Variants in SPATA17 observed in about 807,000 individuals in gnomAD.
SPATA17 encodes spermatogenesis associated 17.
SPATA17 carries 53 observed loss-of-function variants against 62.2 expected under a neutral mutation model. That is an observed-to-expected ratio of 0.85 (90% confidence interval 0.68 to 1.07). SPATA17 has a LOEUF of 1.07. Among genes scored for constraint, SPATA17 ranks in the 50% least tolerant of loss-of-function variants. SPATA17 has a pLI of 0.00. For missense variants in SPATA17, 466 were observed against 425.5 expected (o/e 1.10, Z -0.84); for synonymous variants, 146 against 146.8 (o/e 0.99, Z 0.04).
intron 7 of SPATA17, among the ~76,000 whole-genome samples, chr1:217,781,781 A>G (rs112590187): frequency 6.6e-6 from 1 of 152,186 alleles, no homozygotes; most frequent in African/African-American, 2.4e-5. Flanking sequence ...TTGGAAAGCT[A>G]TGCTTAGAAT....
chr1:217,668,268 TG>T (rs1280230902), intron 3 of SPATA17, among the ~76,000 whole-genome samples: 1 of 152,200 alleles, frequency 6.6e-6, no homozygotes, highest in African/African-American at 2.4e-5. Context: ...AAAGAGCAGA[TG>T]GGGAAGCTTA....
At chr1:217,755,962 T>C (rs932772047) in intron 6 of SPATA17, among the ~76,000 whole-genome samples, 4 of 152,080 alleles carry the variant, frequency 2.6e-5, no homozygotes, top group South Asian at 2.1e-4. Context: ...TATTCCCTTT[T>C]CCCCCTTCTA....
rs189657291 is a variant in SPATA17 at position 217,797,319 on chromosome 1, G to A, written c.873-4399G>A. ...GGCTGCAGTGCAGTAGTGTGATCTC[G>A]GCTCAGTGCAGCCTCCACCTCCCGG... is the stretch of plus-strand genomic sequence containing the variant. On this transcript the variant is annotated intron_variant, in intron 8 of 10. Transcript: ENST00000366933. Among the ~76,000 whole-genome samples, 139 of 147,104 alleles carry A rather than the reference G, an allele frequency of 9.4e-4. 1 individual carries two copies. Among genetic ancestry groups the A allele is most frequent in the Non-Finnish European group, 1.8e-3 (123 of 66,784 alleles).
In SPATA17 at chr1:217,801,763, A is replaced by C; in HGVS notation, c.918A>C (p.Pro306=). The C allele has an allele frequency of 4.3e-6, 7 of 1,610,684 alleles. No homozygotes were observed. Among genetic ancestry groups the C allele is most frequent in the Non-Finnish European group, 5.9e-6 (7 of 1,178,766 alleles). ...ACCATAAAAATGAAAAGTACATCCC[A>C]TCAATGCATTTATCAAGCAAGTATG... The part of the protein sequence containing the change: ...SSYHKNEKYI[P]SMHLSSKYGP... Residue 306 remains proline (P), a synonymous_variant, in exon 9 of 11, where the codon CCA becomes CCC. Coordinates refer to ENST00000366933, the MANE Select transcript of SPATA17 (RefSeq NM_138796.4).
In SPATA17 at chr1:217,635,817, G is replaced by A. The variant is rs557033831; in HGVS notation, c.68+4371G>A. ...TTTATCATTTTATCATGCAGATGAAGCCTCCAAGTTGCAAGCCTTAAAAAG... is the reference window on the plus strand; with the variant it reads ...TTTATCATTTTATCATGCAGATGAAACCTCCAAGTTGCAAGCCTTAAAAAG... On this transcript the variant is annotated intron_variant, in intron 1 of 10. Transcript: ENST00000366933. Among the ~76,000 whole-genome samples, 10 of 152,172 alleles carry A rather than the reference G, an allele frequency of 6.6e-5. 1 individual carries two copies. In the East Asian group the frequency reaches 1.9e-3, roughly 29 times the overall value.
intron 5 of SPATA17, among the ~76,000 whole-genome samples, chr1:217,698,595 C>G (rs947321006): frequency 7.5e-6 from 1 of 133,968 alleles, no homozygotes. Flanking sequence ...AAAAAAAAAA[C>G]AAAGAAATTC....
At chr1:217,771,034 C>G (rs1385781242) in intron 6 of SPATA17, among the ~76,000 whole-genome samples, 3 of 89,386 alleles carry the variant, frequency 3.4e-5, no homozygotes, top group African/African-American at 1.3e-4. Flanking sequence ...AGAATCGTAG[C>G]CTTTAAAAAA....
At chr1:217,762,362 T>C (rs966725188) in intron 6 of SPATA17, among the ~76,000 whole-genome samples, 1 of 152,194 alleles carries the variant, frequency 6.6e-6, no homozygotes, top group African/African-American at 2.4e-5. Context: ...CAGATATTCA[T>C]ATTCCTCTTT....
intron 6 of SPATA17, among the ~76,000 whole-genome samples, chr1:217,758,167 A>G (rs142207629): frequency 7.2e-5 from 11 of 152,342 alleles, no homozygotes; most frequent in African/African-American, 2.6e-4. Context: ...TAAGTGCTTT[A>G]CATAAATTAT....
intron 1 of SPATA17, among the ~76,000 whole-genome samples, chr1:217,633,905 A>G (rs1449718514): frequency 1.3e-5 from 2 of 152,218 alleles, no homozygotes; most frequent in African/African-American, 2.4e-5. Context: ...TGGAAGTCCA[A>G]TGTGGAAACG....
intron 5 of SPATA17, among the ~76,000 whole-genome samples, chr1:217,721,002 A>T (rs763770422): frequency 9.2e-5 from 14 of 152,228 alleles, no homozygotes; most frequent in Non-Finnish European, 1.3e-4. Flanking sequence ...CACAAAATTC[A>T]TCTAAATAAA....
chr1:217,834,439 C>T (rs1375607609), intron 9 of SPATA17, among the ~76,000 whole-genome samples: 2 of 152,082 alleles, frequency 1.3e-5, no homozygotes, highest in East Asian at 3.9e-4. Flanking sequence ...CCCAAGATAC[C>T]TTCTAGTGGG....
rs145489034 is a variant in SPATA17 at position 217,839,357 on chromosome 1, C to T, written c.1006-23417C>T. On this transcript the variant is annotated intron_variant, in intron 9 of 10. Coordinates refer to ENST00000366933, the MANE Select transcript of SPATA17 (RefSeq NM_138796.4). ...AATTGAAACACCAGGCTAATTATGG[C>T]AGCTAATGAAGTGTGTGGAATGGTC... is the stretch of plus-strand genomic sequence containing the variant. Among the ~76,000 whole-genome samples, 100 of 152,186 alleles carry T rather than the reference C, an allele frequency of 6.6e-4. 1 individual carries two copies. In the East Asian group the frequency reaches 0.017, roughly 26 times the overall value.
chr1:217,639,936 A>G (rs1366155646), intron 1 of SPATA17, among the ~76,000 whole-genome samples: 1 of 152,010 alleles, frequency 6.6e-6, no homozygotes, highest in Admixed American at 6.6e-5. Flanking sequence ...GTGGCCATCA[A>G]CCATTCTATC....
At chr1:217,733,496 A>C (rs540648236) in intron 5 of SPATA17, among the ~76,000 whole-genome samples, 2 of 152,208 alleles carry the variant, frequency 1.3e-5, no homozygotes, top group Non-Finnish European at 2.9e-5. Flanking sequence ...GAGCCCCCTG[A>C]ACTTAAGCAC....
Position 217,800,728 on chromosome 1 carries a change from A to T in SPATA17, c.873-990A>T, listed in dbSNP as rs983983394. On this transcript the variant is annotated intron_variant, in intron 8 of 10. Transcript: ENST00000366933. ...CTGGCACTTAGATTTCAGTTTTCTT[A>T]ACTCTTTTGTGTCATTTATGAATTT... 2.6e-5 allele frequency among the ~76,000 whole-genome samples: 4 copies of T among 152,084 alleles called. No homozygotes were observed. The South Asian group carries it at 8.3e-4, about 32-fold the overall frequency.
At chr1:217,803,609 G>A (rs967087477) in intron 9 of SPATA17, among the ~76,000 whole-genome samples, 3 of 152,160 alleles carry the variant, frequency 2.0e-5, no homozygotes, top group Non-Finnish European at 4.4e-5. Flanking sequence ...AAGGTATTCT[G>A]TGTTCATGGA....
intron 9 of SPATA17, among the ~76,000 whole-genome samples, chr1:217,836,317 A>T (rs1168895778): frequency 6.6e-6 from 1 of 152,134 alleles, no homozygotes; most frequent in Non-Finnish European, 1.5e-5. Context: ...CTTCCATCTG[A>T]AGTTATGCTC....
chr1:217,763,879 C>A (rs1358696017), intron 6 of SPATA17, among the ~76,000 whole-genome samples: 2 of 152,098 alleles, frequency 1.3e-5, no homozygotes, highest in Non-Finnish European at 2.9e-5. Context: ...AGCTGAGGAG[C>A]TGGTGGTGCC....
Sources: allele counts gnomAD v4.1 joint callset (sites outside exome capture counted in the v4.1 genomes callset), GRCh38; gene constraint gnomAD v4.1.1; transcripts MANE v1.5; gene names NCBI Gene and HGNC (gene_info 2026-07-23, HGNC 2026-07-21).